RGS11: variants seen among roughly 807,000 people sequenced by gnomAD.
RGS11 encodes regulator of G protein signaling 11.
A neutral mutation model predicts 71.1 loss-of-function variants in RGS11; 86 were observed. The ratio of observed to expected loss-of-function variants is 1.21; its 90% CI spans 1.02 to 1.45. The LOEUF (loss-of-function observed/expected upper bound fraction) is 1.45, where lower values mean the gene tolerates loss of function less well. Among genes scored for constraint, RGS11 ranks in the 40% most tolerant of loss-of-function variants. The probability of loss-of-function intolerance (pLI) is 0.00; values close to 1 mark genes in which losing one functional copy is unlikely to be tolerated. For missense variants in RGS11, 734 were observed against 635.1 expected (o/e 1.16, Z -1.67); for synonymous variants, 298 against 254.2 (o/e 1.17, Z -1.64).
intron 4 of RGS11, 69 bp downstream of exon 4, chr16:274,907 C>A: frequency 1.3e-6 from 2 of 1,523,102 alleles, no homozygotes; most frequent in Non-Finnish European, 8.8e-7. Context: ...TCCTGTCTCC[C>A]CGAGTTGGTA....
chr16:273,896 G>A (rs1463494159), intron 6 of RGS11, 60 bp from the exon 7 acceptor site: 3 of 1,529,786 alleles, frequency 2.0e-6, no homozygotes, highest in African/African-American at 1.4e-5. Context: ...GAGACTGTGT[G>A]GGCAGTTGGG....
Position 274,112 on chromosome 16 carries a change from A to G in RGS11, c.371-11T>C. On this transcript the variant is annotated splice_polypyrimidine_tract_variant and intron_variant, in intron 5 of 16. Transcript: ENST00000397770. Reference sequence around the variant, plus strand: ...TGGCCAGGTAGATGGCTGGAAGAACAGGGACAGCCTGCAGAGGGGCCAGCT... The same window carrying G: ...TGGCCAGGTAGATGGCTGGAAGAACGGGGACAGCCTGCAGAGGGGCCAGCT... The G allele has an allele frequency of 6.4e-7, 1 of 1,555,388 alleles. No homozygotes were observed. The highest frequency in any genetic ancestry group is 8.7e-7 in the Non-Finnish European group (1 of 1,149,540).
chr16:271,767 G>A (rs1007780726), intron 9 of RGS11, 198 bp from the exon 10 acceptor site: 1 of 605,526 alleles, frequency 1.7e-6, no homozygotes, highest in Admixed American at 2.9e-5. Context: ...GGGGCCTAAG[G>A]TCTGGCGATC....
chr16:270,416 A>G (rs574490429), intron 15 of RGS11, 107 bp downstream of exon 15: 337 of 1,338,676 alleles, frequency 2.5e-4, no homozygotes, highest in Non-Finnish European at 3.1e-4. Flanking sequence ...CCCCAGGGGC[A>G]GAGTCAACGT....
chr16:270,182 G>A (rs1163746905), intron 15 of RGS11, among the ~76,000 whole-genome samples: 2 of 152,174 alleles, frequency 1.3e-5, no homozygotes, highest in Non-Finnish European at 2.9e-5. Context: ...CCGGGAGGTG[G>A]AGCTTGCACT....
intron 15 of RGS11, 116 bp from the exon 16 acceptor site, chr16:269,701 G>T (rs569317869): frequency 8.4e-6 from 7 of 831,496 alleles, no homozygotes; most frequent in Non-Finnish European, 1.3e-5. Context: ...AGTCTCCGGC[G>T]GACAGGGTGC....
rs756762987 is a variant in RGS11 at position 271,304 on chromosome 16, A to G, written c.761T>C (p.Phe254Ser). 1 of 1,612,996 alleles carries G rather than the reference A, an allele frequency of 6.2e-7. No individual in the cohort carries two copies. The highest frequency in any genetic ancestry group is 8.5e-7 in the Non-Finnish European group (1 of 1,179,960). Residue 254 changes from phenylalanine to serine, a missense_variant, in exon 12 of 17, where the codon TTC (phenylalanine) becomes TCC (serine). Physicochemically the swap from Phe to Ser is radical, Grantham distance 155. Coordinates refer to ENST00000397770, the MANE Select transcript of RGS11 (RefSeq NM_183337.3). ...ATCGTGGGGTCCACGCTGGCCGCAG[A>G]AACTCAGGTACCTGGAAGGGGGTAT... The part of the protein sequence containing the change: ...SSVCLEAYLS[F>S]CGQRGPHDPL...
At position 269,977 on chromosome 16, in the gene RGS11, GA is replaced by G. The variant is rs979163871; in HGVS notation, c.1207-393del. ...TCACGCCTGTGATCCCGGCCGGGCAGAGTGGCTCACGCCTGTAATCCCAGCA... is the reference window on the plus strand; with the variant it reads ...TCACGCCTGTGATCCCGGCCGGGCAGGTGGCTCACGCCTGTAATCCCAGCA... On this transcript the variant is annotated intron_variant, in intron 15 of 16. Coordinates refer to ENST00000397770, the MANE Select transcript of RGS11 (RefSeq NM_183337.3). The G allele has an allele frequency of 2.5e-5, 5 of 199,092 alleles. No homozygotes were observed. The South Asian group carries it at 4.9e-4, about 20-fold the overall frequency. The allele number at this position is 199,092 out of a possible 1,614,324, so 12.3% of individuals were successfully genotyped here.
chr16:275,387 C>T lies in RGS11; in HGVS notation c.160+15G>A, dbSNP rs761125976. 6 of 1,608,722 alleles carry T rather than the reference C, an allele frequency of 3.7e-6. No individual in the cohort carries two copies. The highest frequency in any genetic ancestry group is 1.3e-5 in the African/African-American group (1 of 74,896). On this transcript the variant is annotated intron_variant, in intron 2 of 16. Transcript: ENST00000397770. ...GGCCGAGGCGCGCACGCACCCCCGC[C>T]CCGGCGCGCCTCACCTGTCACCGCG...
At chr16:275,669 G>A (rs187547454) in intron 1 of RGS11, 171 bp from the exon 2 acceptor site, 1 of 456,056 alleles carries the variant, frequency 2.2e-6, no homozygotes, top group Non-Finnish European at 3.3e-6. Flanking sequence ...GGCCGGGGAG[G>A]GCCGGGGAGA....
chr16:271,742 T>C (rs2051949703), intron 9 of RGS11, 173 bp from the exon 10 acceptor site: 15 of 641,912 alleles, frequency 2.3e-5, no homozygotes, highest in Non-Finnish European at 3.8e-5. Flanking sequence ...CAGGGATCTT[T>C]CGAGGAGACC....
At chr16:275,792 TC>T in intron 1 of RGS11, 56 bp downstream of exon 1, 1 of 609,966 alleles carries the variant, frequency 1.6e-6, no homozygotes, top group Non-Finnish European at 2.2e-6. Flanking sequence ...CTCCGGCCCC[TC>T]CCGGCCTCGG....
Position 269,629 on chromosome 16 carries a change from CCT to C in RGS11, c.1207-46_1207-45del, listed in dbSNP as rs753119432. 191 of 1,444,610 alleles carry C rather than the reference CCT, an allele frequency of 1.3e-4. 1 individual carries two copies. The Middle Eastern group carries it at 1.6e-3, about 12-fold the overall frequency. The allele number at this position is 1,444,610 out of a possible 1,614,324, so 89.5% of individuals were successfully genotyped here. ...AGCCCCTGACCCTTCTGCCTCCTCA[CCT>C]CTCAGCCAGCTCCACCCGAAGGAGC... On this transcript the variant is annotated intron_variant, in intron 15 of 16. Coordinates refer to ENST00000397770, the MANE Select transcript of RGS11 (RefSeq NM_183337.3).
Position 268,618 on chromosome 16 carries a change from T to TC in RGS11, c.*650dup. On this transcript the variant is annotated 3_prime_UTR_variant, in exon 17 of 17. Coordinates refer to ENST00000397770, the MANE Select transcript of RGS11 (RefSeq NM_183337.3). Reference sequence around the variant, plus strand: ...TGACAATGTCAGAGTTGTCTATAAATCGGGGGGGAGGCCGCGGCCTCGAGG... The same window carrying TC: ...TGACAATGTCAGAGTTGTCTATAAATCCGGGGGGGAGGCCGCGGCCTCGAGG... 1 of 679,464 alleles carries TC rather than the reference T, an allele frequency of 1.5e-6. No individual in the cohort carries two copies. The highest frequency in any genetic ancestry group is 2.5e-6 in the Non-Finnish European group (1 of 396,804). The allele number at this position is 679,464 out of a possible 1,614,324, so 42.1% of individuals were successfully genotyped here.
In RGS11 at chr16:268,836, C is replaced by T. The variant is rs2051788194; in HGVS notation, c.*433G>A. ...GGGGCAGAGCTCGCGCCGAGACCTGCATGTCCGCGTCTTGTGACGGGTGTG... is the reference window on the plus strand; with the variant it reads ...GGGGCAGAGCTCGCGCCGAGACCTGTATGTCCGCGTCTTGTGACGGGTGTG... On this transcript the variant is annotated 3_prime_UTR_variant, in exon 17 of 17. Coordinates refer to ENST00000397770, the MANE Select transcript of RGS11 (RefSeq NM_183337.3). 1 of 1,550,438 alleles carries T rather than the reference C, an allele frequency of 6.4e-7. No individual in the cohort carries two copies. Among genetic ancestry groups the T allele is most frequent in the Non-Finnish European group, 8.7e-7 (1 of 1,146,952 alleles).
Position 271,283 on chromosome 16 carries a change from T to C in RGS11, c.782A>G (p.His261Arg). The C allele has an allele frequency of 6.2e-7, 1 of 1,612,830 alleles. No homozygotes were observed. Among genetic ancestry groups the C allele is most frequent in the Non-Finnish European group, 8.5e-7 (1 of 1,179,964 alleles). The change falls in exon 12 of 17, where the codon CAC becomes CGC. Residue 261 changes from histidine (H) to arginine (R), a missense_variant. Coordinates refer to ENST00000397770, the MANE Select transcript of RGS11 (RefSeq NM_183337.3). ...CAGGCACCCCGACACGAGGGGATCG[T>C]GGGGTCCACGCTGGCCGCAGAAACT... ...YLSFCGQRGP[H>R]DPLVSGCLPS...
chr16:269,554 A>T lies in RGS11; in HGVS notation c.1238T>A (p.Met413Lys), dbSNP rs142042302. 6.2e-7 allele frequency: 1 copy of T among 1,613,394 alleles called. No individual in the cohort carries two copies. ...AGCCTCTGCCAGGAGGGCCTTGTAC[A>T]TGTCAGACTTCAGGAACCTTGGGTA... ...DSYPRFLKSD[M>K]YKALLAEAGI... Residue 413 changes from methionine (M) to lysine (K), a missense_variant, in exon 16 of 17, where the codon ATG becomes AAG. Met to Lys is a moderately conservative substitution (Grantham distance 95). Coordinates refer to ENST00000397770, the MANE Select transcript of RGS11 (RefSeq NM_183337.3).
intron 4 of RGS11, 46 bp downstream of exon 4, chr16:274,930 G>A: frequency 1.3e-6 from 2 of 1,540,336 alleles, no homozygotes; most frequent in African/African-American, 1.4e-5. Flanking sequence ...CTGGGTGGGT[G>A]GGGGTGGGGG....
chr16:275,812 A>G, intron 1 of RGS11, 37 bp downstream of exon 1: 1 of 955,144 alleles, frequency 1.0e-6, no homozygotes, highest in Non-Finnish European at 1.3e-6. Flanking sequence ...GGGCGCCGGG[A>G]AATCGGGGGA....
Sources: gnomAD v4.1 joint callset for allele counts (sites outside exome capture counted in the v4.1 genomes callset) on GRCh38, gnomAD v4.1.1 for gene constraint, MANE v1.5 for transcripts, NCBI Gene and HGNC (gene_info 2026-07-23, HGNC 2026-07-21) for gene names.